Variants in SYT17 observed in about 807,000 individuals in gnomAD.
SYT17 encodes synaptotagmin 17, also known as synaptotagmin-17.
A neutral mutation model predicts 46.7 loss-of-function variants in SYT17; 22 were observed. That is an observed-to-expected ratio of 0.47 (90% CI 0.34 to 0.67). The LOEUF is 0.67. SYT17 is among the 30% of genes least tolerant of loss of function. SYT17 has a pLI of 0.01. For synonymous variants in SYT17, 251 were observed against 248.4 expected (o/e 1.01, Z -0.10); for missense variants, 519 against 612.8 (o/e 0.85, Z 1.62).
At chr16:19,172,548 T>C in intron 1 of SYT17, 1 of 1,503,098 alleles carries the variant, frequency 6.7e-7, no homozygotes, top group Non-Finnish European at 8.8e-7. Flanking sequence ...ACCAGGAGGC[T>C]ACCAGCAGCC....
At chr16:19,178,531 A>G (rs1964413542) in intron 3 of SYT17, among the ~76,000 whole-genome samples, 2 of 152,206 alleles carry the variant, frequency 1.3e-5, no homozygotes, top group Middle Eastern at 3.4e-3. Flanking sequence ...ACCTCAAGTG[A>G]TCCACCCACC....
At chr16:19,226,789 T>G (rs1966512188) in intron 7 of SYT17, among the ~76,000 whole-genome samples, 1 of 152,166 alleles carries the variant, frequency 6.6e-6, no homozygotes, top group African/African-American at 2.4e-5. Context: ...CTGCTGAGAA[T>G]AAGGGACCTC....
chr16:19,248,119 A>C (rs1967718928), intron 7 of SYT17, among the ~76,000 whole-genome samples: 2 of 152,238 alleles, frequency 1.3e-5, no homozygotes, highest in African/African-American at 2.4e-5. Context: ...AGCATATGAA[A>C]AGATGCTGCT....
intron 5 of SYT17, among the ~76,000 whole-genome samples, chr16:19,196,462 C>T (rs987593825): frequency 3.3e-5 from 5 of 152,006 alleles, no homozygotes; most frequent in South Asian, 2.1e-4. Context: ...GGGCTGGTCT[C>T]GAACTCCTGA....
chr16:19,224,885 A>G (rs770665371), intron 7 of SYT17, 47 bp downstream of exon 7: 3 of 1,606,758 alleles, frequency 1.9e-6, no homozygotes, highest in Non-Finnish European at 8.5e-7. Context: ...AGGCACGTCA[A>G]ACTTACTGTC....
At chr16:19,185,462 C>T (rs192880405) in intron 5 of SYT17, among the ~76,000 whole-genome samples, 6 of 152,270 alleles carry the variant, frequency 3.9e-5, no homozygotes, top group African/African-American at 1.4e-4. Context: ...TGGTAGTGCA[C>T]ATCTGTAATT....
chr16:19,231,936 C>T (rs1966708060), intron 7 of SYT17, among the ~76,000 whole-genome samples: 2 of 152,258 alleles, frequency 1.3e-5, no homozygotes, highest in South Asian at 2.1e-4. Flanking sequence ...AGATGCAGGG[C>T]ACATTTCAGA....
chr16:19,209,400 A>G (rs546094161), intron 5 of SYT17, among the ~76,000 whole-genome samples: 1 of 152,332 alleles, frequency 6.6e-6, no homozygotes, highest in Non-Finnish European at 1.5e-5. Flanking sequence ...AGCTGATAAC[A>G]CAACAAGGTG....
Position 19,224,708 on chromosome 16 carries a change from G to A in SYT17, c.1098G>A (p.Val366=), listed in dbSNP as rs1403504541. ...GSDPFVKIQL[V]HGLKLVKTKK... is the part of the protein sequence containing the mutation. ...ACCCCTTTGTGAAAATCCAGCTGGT[G>A]CATGGACTCAAACTTGTGAAAACCA... The change falls in exon 7 of 8, where the codon GTG becomes GTA. Residue 366 remains valine, a synonymous_variant. Coordinates refer to ENST00000355377, the MANE Select transcript of SYT17 (RefSeq NM_016524.4). The A allele has an allele frequency of 4.3e-6, 7 of 1,613,950 alleles. No homozygotes were observed. The highest frequency in any genetic ancestry group is 1.7e-5 in the Admixed American group (1 of 59,990).
intron 5 of SYT17, among the ~76,000 whole-genome samples, chr16:19,202,111 C>A (rs2142742631): frequency 6.6e-6 from 1 of 152,202 alleles, no homozygotes; most frequent in East Asian, 1.9e-4. Flanking sequence ...CAATTCAATT[C>A]ATACGGACAC....
chr16:19,227,526 A>C (rs569793834), intron 7 of SYT17, among the ~76,000 whole-genome samples: 21 of 152,228 alleles, frequency 1.4e-4, no homozygotes, highest in East Asian at 7.7e-4. Flanking sequence ...CATGTTGGCC[A>C]GGCCAGTCTC....
intron 7 of SYT17, among the ~76,000 whole-genome samples, chr16:19,241,116 T>G (rs1967083319): frequency 6.6e-6 from 1 of 151,122 alleles, no homozygotes; most frequent in South Asian, 2.1e-4. Context: ...CCCGGCTAAT[T>G]TTTTGTATTT....
rs547914280 is a variant in SYT17, at chr16:19,213,506, G to C, written c.952-9539G>C. Among the ~76,000 whole-genome samples the C allele has an allele frequency of 3.3e-5, 5 of 152,266 alleles. No homozygotes were observed. In the East Asian group the frequency reaches 9.6e-4, roughly 29 times the overall value. On this transcript the variant is annotated intron_variant, in intron 5 of 7. Coordinates refer to ENST00000355377, the MANE Select transcript of SYT17 (RefSeq NM_016524.4). Reference sequence around the variant, plus strand: ...AAGACAGGGAGGTACAGAGAGCAAGGAAGTTTGGCCTTAAAAGTAGAGAAC... The same window carrying C: ...AAGACAGGGAGGTACAGAGAGCAAGCAAGTTTGGCCTTAAAAGTAGAGAAC...
At chr16:19,192,307 G>T (rs1596922714) in intron 5 of SYT17, among the ~76,000 whole-genome samples, 1 of 151,912 alleles carries the variant, frequency 6.6e-6, no homozygotes, top group East Asian at 1.9e-4. Flanking sequence ...TGTAGTCCTG[G>T]CTACTCGGGA....
At chr16:19,212,343 G>A (rs560428162) in intron 5 of SYT17, among the ~76,000 whole-genome samples, 4 of 152,132 alleles carry the variant, frequency 2.6e-5, no homozygotes, top group South Asian at 2.1e-4. Context: ...AAGTGAGGCC[G>A]GGTATGGTGG....
At chr16:19,204,277 A>G (rs1045270177) in intron 5 of SYT17, among the ~76,000 whole-genome samples, 1 of 152,206 alleles carries the variant, frequency 6.6e-6, no homozygotes, top group Admixed American at 6.5e-5. Context: ...GCAGGGCACA[A>G]TCACCCCCTT....
chr16:19,191,657 A>G (rs925398747), intron 5 of SYT17, among the ~76,000 whole-genome samples: 2 of 152,252 alleles, frequency 1.3e-5, no homozygotes, highest in African/African-American at 4.8e-5. Context: ...TGATAGATGG[A>G]TAGGGAAGAA....
intron 5 of SYT17, among the ~76,000 whole-genome samples, chr16:19,186,601 T>C (rs904327060): frequency 1.3e-5 from 2 of 152,276 alleles, no homozygotes; most frequent in African/African-American, 4.8e-5. Flanking sequence ...CCAGCCTTGC[T>C]GGTGCTATTA....
At chr16:19,260,424 C>CACTT (rs1184895538) in intron 7 of SYT17, among the ~76,000 whole-genome samples, 2 of 131,982 alleles carry the variant, frequency 1.5e-5, no homozygotes, top group Non-Finnish European at 3.1e-5. Context: ...GTAGGAGGAT[C>CACTT]ACTTGAGCCT....
Sources: gnomAD v4.1 joint callset for allele counts (sites outside exome capture counted in the v4.1 genomes callset) on GRCh38, gnomAD v4.1.1 for gene constraint, MANE v1.5 for transcripts, NCBI Gene and HGNC (gene_info 2026-07-23, HGNC 2026-07-21) for gene names.